Variants in CSMD1 observed in about 807,000 individuals in gnomAD.
CSMD1 encodes CUB and sushi domain-containing protein 1.
CSMD1 carries 213 observed loss-of-function variants against 417.5 expected under a neutral mutation model. The observed-to-expected ratio is 0.51, with a 90% CI of 0.46 to 0.57. The LOEUF (loss-of-function observed/expected upper bound fraction) is 0.57. CSMD1 is among the 20% of genes least tolerant of loss of function. CSMD1 has a pLI of 0.00. For missense variants in CSMD1, 6,923 were observed against 4,529.7 expected (o/e 1.53, Z -15.17); for synonymous variants, 2,862 against 1,736.8 (o/e 1.65, Z -16.11).
At chr8:4,412,393 TGTTGC>T (rs1208451459) in intron 3 of CSMD1, among the ~76,000 whole-genome samples, 1 of 152,192 alleles carries the variant, frequency 6.6e-6, no homozygotes, top group African/African-American at 2.4e-5. Context: ...ATTTGCCATG[TGTTGC>T]GCTGGCTCCT....
chr8:4,249,998 G>C (rs1399920899), intron 3 of CSMD1, among the ~76,000 whole-genome samples: 1 of 152,108 alleles, frequency 6.6e-6, no homozygotes, highest in Non-Finnish European at 1.5e-5. Context: ...CTACTGGGAA[G>C]TGTTTAGGTC....
intron 11 of CSMD1, among the ~76,000 whole-genome samples, chr8:3,479,022 C>T (rs1372415890): frequency 1.3e-5 from 2 of 152,030 alleles, no homozygotes; most frequent in Non-Finnish European, 2.9e-5. Context: ...CCCACCCAAC[C>T]CCATGCACTC....
chr8:4,412,397 G>C (rs966065329), intron 3 of CSMD1, among the ~76,000 whole-genome samples: 5 of 152,166 alleles, frequency 3.3e-5, no homozygotes, highest in African/African-American at 1.2e-4. Context: ...GCCATGTGTT[G>C]CGCTGGCTCC....
At chr8:4,828,509 AC>A (rs1452532556) in intron 1 of CSMD1, among the ~76,000 whole-genome samples, 1 of 152,058 alleles carries the variant, frequency 6.6e-6, no homozygotes, top group Non-Finnish European at 1.5e-5. Flanking sequence ...ATCCGAAAGC[AC>A]CTATTGGTCC....
At chr8:4,943,860 T>C (rs1488323925) in intron 1 of CSMD1, among the ~76,000 whole-genome samples, 3 of 152,122 alleles carry the variant, frequency 2.0e-5, no homozygotes, top group Non-Finnish European at 2.9e-5. Context: ...GATAGAGCCA[T>C]AAATAAGTGT....
At chr8:3,796,384 ATATC>A (rs1380649196) in intron 5 of CSMD1, among the ~76,000 whole-genome samples, 4 of 64,740 alleles carry the variant, frequency 6.2e-5, no homozygotes, top group East Asian at 3.4e-4. Flanking sequence ...ATGTATATAT[ATATC>A]TATCATGTAT....
rs934676797 is a variant in CSMD1 at position 4,994,621 on chromosome 8, G to C, written c.-205C>G. The C allele has an allele frequency of 4.9e-5, 27 of 553,646 alleles. No individual in the cohort carries two copies. The highest frequency in any genetic ancestry group is 2.2e-4 in the Admixed American group (7 of 32,074). 34.3% of individuals were successfully genotyped at this position (553,646 alleles called of 1,614,324 possible). A position where few individuals can be genotyped will look rare whatever the true frequency, so the allele number is the denominator to read the frequency against. Reference sequence around the variant, plus strand: ...AGCATCGGGTCCCGAGCCACTGCAGGGCTGAGCTGCTCCGAGCGCGGAGAC... The same window carrying C: ...AGCATCGGGTCCCGAGCCACTGCAGCGCTGAGCTGCTCCGAGCGCGGAGAC... On this transcript the variant is annotated 5_prime_UTR_variant, in exon 1 of 70. Transcript: ENST00000635120.
At chr8:3,567,903 C>T (rs551091028) in intron 10 of CSMD1, among the ~76,000 whole-genome samples, 4 of 152,138 alleles carry the variant, frequency 2.6e-5, no homozygotes, top group Admixed American at 6.6e-5. Flanking sequence ...TCCTTCCACA[C>T]ATCATCACAC....
chr8:3,493,820 T>A, intron 10 of CSMD1, 94 bp from the exon 11 acceptor site: 3 of 1,086,684 alleles, frequency 2.8e-6, no homozygotes, highest in Non-Finnish European at 4.0e-6. Flanking sequence ...CTGTTAAATT[T>A]TGCTCCTTAA....
intron 32 of CSMD1, among the ~76,000 whole-genome samples, chr8:3,200,543 A>T: frequency 6.6e-6 from 1 of 151,808 alleles, no homozygotes; most frequent in Non-Finnish European, 1.5e-5. Context: ...CAAGAGAGTG[A>T]GTGAGACTTT....
At chr8:4,318,771 T>C (rs1038268661) in intron 3 of CSMD1, among the ~76,000 whole-genome samples, 1 of 150,566 alleles carries the variant, frequency 6.6e-6, no homozygotes, top group Non-Finnish European at 1.5e-5. Context: ...ATAGATACCA[T>C]ATATTGGCAT....
intron 20 of CSMD1, among the ~76,000 whole-genome samples, chr8:3,366,520 T>G (rs1809575881): frequency 6.6e-6 from 1 of 152,176 alleles, no homozygotes; most frequent in Non-Finnish European, 1.5e-5. Context: ...GTTACCTAAC[T>G]TGGAGTATTT....
At chr8:4,248,514 C>A (rs1451987161) in intron 3 of CSMD1, among the ~76,000 whole-genome samples, 1 of 152,186 alleles carries the variant, frequency 6.6e-6, no homozygotes, top group Non-Finnish European at 1.5e-5. Context: ...ATGTCAACTT[C>A]TAACAGGAGG....
At chr8:3,071,152 G>C (rs1813299222) in intron 49 of CSMD1, among the ~76,000 whole-genome samples, 1 of 152,206 alleles carries the variant, frequency 6.6e-6, no homozygotes, top group African/African-American at 2.4e-5. Context: ...CCACCCGCTT[G>C]ATCCAAACAC....
intron 7 of CSMD1, among the ~76,000 whole-genome samples, chr8:3,642,522 G>A (rs969766326): frequency 6.6e-6 from 1 of 152,098 alleles, no homozygotes; most frequent in Non-Finnish European, 1.5e-5. Context: ...CCTTTATCCA[G>A]GTCTTCAAGT....
At chr8:3,121,743 G>A (rs190896823) in intron 41 of CSMD1, among the ~76,000 whole-genome samples, 3 of 152,222 alleles carry the variant, frequency 2.0e-5, no homozygotes, top group African/African-American at 7.2e-5. Flanking sequence ...ATGCTGCAGT[G>A]AGCTATGATC....
At chr8:4,006,323 C>A (rs1178708850) in intron 4 of CSMD1, among the ~76,000 whole-genome samples, 1 of 152,156 alleles carries the variant, frequency 6.6e-6, no homozygotes, top group African/African-American at 2.4e-5. Context: ...ATGGATGGAT[C>A]ACCTGAGGTC....
At chr8:4,459,958 A>C (rs1341261587) in intron 2 of CSMD1, among the ~76,000 whole-genome samples, 1 of 152,214 alleles carries the variant, frequency 6.6e-6, no homozygotes, top group African/African-American at 2.4e-5. Flanking sequence ...AGAGGAACAG[A>C]ACAATCTAGC....
intron 50 of CSMD1, among the ~76,000 whole-genome samples, chr8:3,034,799 T>C (rs73181721): frequency 7.5e-4 from 114 of 152,288 alleles, no homozygotes; most frequent in Non-Finnish European, 1.4e-3. Flanking sequence ...TTAAACATTA[T>C]AGACTAGGGA....
Sources: allele counts gnomAD v4.1 joint callset (sites outside exome capture counted in the v4.1 genomes callset), GRCh38; gene constraint gnomAD v4.1.1; transcripts MANE v1.5; gene names NCBI Gene and HGNC (gene_info 2026-07-23, HGNC 2026-07-21).